CDKAL1: variants seen among roughly 807,000 people sequenced by gnomAD.
The protein encoded by CDKAL1 is threonylcarbamoyladenosine tRNA methylthiotransferase.
A neutral mutation model predicts 68.2 loss-of-function variants in CDKAL1; 32 were observed. That is an observed-to-expected ratio of 0.47 (90% CI 0.35 to 0.63). The LOEUF is 0.63. CDKAL1 is among the 30% of genes least tolerant of loss of function. The probability of loss-of-function intolerance (pLI) is 0.00; values close to 1 mark genes in which losing one functional copy is unlikely to be tolerated. For missense variants in CDKAL1, 606 were observed against 696.7 expected, an observed-to-expected ratio of 0.87 and a Z score of 1.47; for synonymous variants, 234 against 244.3, an observed-to-expected ratio of 0.96 and a Z score of 0.39.
intron 4 of CDKAL1, among the ~76,000 whole-genome samples, chr6:20,578,698 GA>G (rs1379213968): frequency 3.3e-5 from 5 of 152,230 alleles, no homozygotes; most frequent in African/African-American, 1.2e-4. Flanking sequence ...TGTGTTTTGT[GA>G]TTGTTTGTTT....
At chr6:21,175,758 A>G (rs1370323103) in intron 13 of CDKAL1, among the ~76,000 whole-genome samples, 1 of 152,176 alleles carries the variant, frequency 6.6e-6, no homozygotes, top group Non-Finnish European at 1.5e-5. Flanking sequence ...TTATCTCCTA[A>G]AGTTGTGAAT....
intron 10 of CDKAL1, among the ~76,000 whole-genome samples, chr6:20,967,783 G>A (rs1167522486): frequency 6.6e-6 from 1 of 152,146 alleles, no homozygotes; most frequent in African/African-American, 2.4e-5. Context: ...TTTCTTGAGA[G>A]GCAGATTTGC....
chr6:20,815,948 C>G (rs766323467), intron 8 of CDKAL1, among the ~76,000 whole-genome samples: 1 of 152,040 alleles, frequency 6.6e-6, no homozygotes, highest in Non-Finnish European at 1.5e-5. Context: ...ACCAGAAACC[C>G]GAAATCAAGG....
intron 7 of CDKAL1, among the ~76,000 whole-genome samples, chr6:20,766,728 A>C (rs567404551): frequency 2.0e-5 from 3 of 152,162 alleles, no homozygotes; most frequent in Non-Finnish European, 2.9e-5. Flanking sequence ...GTGTATTTTA[A>C]TCATTTTTAT....
Position 20,874,452 on chromosome 6 carries a change from C to T in CDKAL1, c.742+28274C>T, listed in dbSNP as rs1226029198. Among the ~76,000 whole-genome samples, 6 of 151,402 alleles carry T rather than the reference C, an allele frequency of 4.0e-5. 1 individual carries two copies. In the East Asian group the frequency reaches 1.2e-3, roughly 29 times the overall value. On this transcript the variant is annotated intron_variant, in intron 9 of 15. Coordinates refer to ENST00000274695, the MANE Select transcript of CDKAL1 (RefSeq NM_017774.3). Reference sequence around the variant, plus strand: ...CCAAGTAGGTGTGATTACAGGTGCCCGCCACCACGCCTGGCTAATTTTTTT... The same window carrying T: ...CCAAGTAGGTGTGATTACAGGTGCCTGCCACCACGCCTGGCTAATTTTTTT...
intron 8 of CDKAL1, chr6:20,799,806 A>G (rs1016909337): frequency 2.6e-5 from 4 of 152,190 alleles, no homozygotes; most frequent in African/African-American, 7.2e-5. Flanking sequence ...CAGACTTGCA[A>G]TTTGTCTTGA....
At chr6:20,704,574 A>G (rs1703788098) in intron 5 of CDKAL1, among the ~76,000 whole-genome samples, 1 of 152,140 alleles carries the variant, frequency 6.6e-6, no homozygotes, top group Admixed American at 6.6e-5. Flanking sequence ...GTAGGAGATG[A>G]GTTTATTTTC....
At chr6:20,964,565 C>T (rs2150742988) in intron 10 of CDKAL1, among the ~76,000 whole-genome samples, 1 of 152,272 alleles carries the variant, frequency 6.6e-6, no homozygotes, top group East Asian at 1.9e-4. Flanking sequence ...CCAAATACCA[C>T]ATGTTCTTGC....
chr6:20,666,954 T>C (rs1049258663), intron 5 of CDKAL1, among the ~76,000 whole-genome samples: 3 of 152,140 alleles, frequency 2.0e-5, no homozygotes, highest in Non-Finnish European at 4.4e-5. Flanking sequence ...ATTAACTAAC[T>C]GAACATTCTT....
chr6:21,007,998 A>G (rs1194524384), intron 11 of CDKAL1, among the ~76,000 whole-genome samples: 1 of 152,232 alleles, frequency 6.6e-6, no homozygotes, highest in Admixed American at 6.5e-5. Flanking sequence ...GAAGATGAGG[A>G]AGGCATGCAT....
At chr6:20,982,612 G>GAA (rs966619527) in intron 10 of CDKAL1, among the ~76,000 whole-genome samples, 2 of 142,942 alleles carry the variant, frequency 1.4e-5, no homozygotes, top group African/African-American at 5.1e-5. Flanking sequence ...TCCAAAAAAA[G>GAA]AAAAAAAAAA....
At chr6:20,739,746 C>T in intron 6 of CDKAL1, 131 bp downstream of exon 6, 1 of 503,622 alleles carries the variant, frequency 2.0e-6, no homozygotes, top group Non-Finnish European at 3.5e-6. Context: ...AACATATTTT[C>T]CTTATTGTCC....
chr6:21,023,505 T>A (rs1768795585), intron 11 of CDKAL1, among the ~76,000 whole-genome samples: 1 of 152,202 alleles, frequency 6.6e-6, no homozygotes, highest in Non-Finnish European at 1.5e-5. Context: ...AAAGCTCAAG[T>A]CCTTTAAGTA....
intron 7 of CDKAL1, among the ~76,000 whole-genome samples, chr6:20,768,360 G>C (rs1300493902): frequency 1.3e-5 from 2 of 152,160 alleles, no homozygotes; most frequent in Non-Finnish European, 2.9e-5. Context: ...TTGAGTTTCA[G>C]AGTCTGTCAT....
chr6:20,726,994 G>A (rs771235791), intron 5 of CDKAL1, among the ~76,000 whole-genome samples: 2 of 152,110 alleles, frequency 1.3e-5, no homozygotes, highest in African/African-American at 2.4e-5. Flanking sequence ...GTAGCTTATC[G>A]GAAAAGAATG....
rs1272002730 is a variant in CDKAL1, at chr6:20,534,477, A to C, written c.-147A>C. The C allele has an allele frequency of 6.5e-6, 1 of 152,724 alleles. No homozygotes were observed. Among genetic ancestry groups the C allele is most frequent in the Non-Finnish European group, 1.5e-5 (1 of 68,048 alleles). 9.5% of individuals were successfully genotyped at this position (152,724 alleles called of 1,614,324 possible). A position where few individuals can be genotyped will look rare whatever the true frequency, so the allele number is the denominator to read the frequency against. The stretch of plus-strand genomic sequence containing the variant: ...TGCGCAAATAAACGTGGCGGGACGT[A>C]TGTGTCATGGCGCTCTCCATCTAAA... On this transcript the variant is annotated 5_prime_UTR_variant, in exon 1 of 16. It removes an upstream start codon present in the reference 5' UTR. Coordinates refer to ENST00000274695, the MANE Select transcript of CDKAL1 (RefSeq NM_017774.3).
intron 11 of CDKAL1, among the ~76,000 whole-genome samples, chr6:21,007,881 T>A (rs1022824722): frequency 6.6e-6 from 1 of 152,170 alleles, no homozygotes; most frequent in Non-Finnish European, 1.5e-5. Context: ...TTATCCATAG[T>A]GTTGTACTGC....
chr6:20,828,945 T>C (rs1777607187), intron 8 of CDKAL1, among the ~76,000 whole-genome samples: 2 of 152,182 alleles, frequency 1.3e-5, no homozygotes, highest in Non-Finnish European at 2.9e-5. Context: ...ATAGTGTTTG[T>C]CATTTTGTGA....
At chr6:20,962,415 CCTT>C (rs1273813742) in intron 10 of CDKAL1, among the ~76,000 whole-genome samples, 1 of 152,110 alleles carries the variant, frequency 6.6e-6, no homozygotes, top group African/African-American at 2.4e-5. Flanking sequence ...ACTTCAATGA[CCTT>C]ATATTCTAAC....
Sources: allele counts gnomAD v4.1 joint callset (sites outside exome capture counted in the v4.1 genomes callset), GRCh38; gene constraint gnomAD v4.1.1; transcripts MANE v1.5; gene names NCBI Gene and HGNC (gene_info 2026-07-23, HGNC 2026-07-21).